Variants in ITPR3 observed in about 807,000 individuals in gnomAD.
ITPR3 encodes the protein inositol 1,4,5-trisphosphate receptor type 3, also known as inositol 1,4,5-trisphosphate-gated calcium channel ITPR3.
Under a neutral mutation model 293.2 loss-of-function variants are expected in ITPR3, and 173 were observed. That is an observed-to-expected ratio of 0.59 (90% confidence interval 0.52 to 0.67). ITPR3 has a LOEUF of 0.67. Ranked by LOEUF, ITPR3 falls within the 30% of genes least tolerant of loss-of-function variation. The probability of loss-of-function intolerance (pLI) is 0.00; values close to 1 mark genes in which losing one functional copy is unlikely to be tolerated. For synonymous variants in ITPR3, 1,295 were observed against 1,444.4 expected, an observed-to-expected ratio of 0.90 and a Z score of 2.35; for missense variants, 2,796 against 3,592.1, an observed-to-expected ratio of 0.78 and a Z score of 5.66.
In ITPR3 at chr6:33,642,413, AAGAG is replaced by A. The variant is rs949046379; in HGVS notation, c.160+1868_160+1871del. Among the ~76,000 whole-genome samples the A allele has an allele frequency of 1.6e-3, 242 of 151,916 alleles. 1 individual carries two copies. The highest frequency in any genetic ancestry group is 5.7e-3 in the African/African-American group (235 of 41,440). ...TGGAAAGAACTTAGAGACAGAGAGA[AAGAG>A]AGAGAGAGGTGAGGGTCCCAAGGGT... On this transcript the variant is annotated intron_variant, in intron 2 of 57. Coordinates refer to ENST00000605930, the MANE Select transcript of ITPR3 (RefSeq NM_002224.4).
In ITPR3 at chr6:33,688,122, G is replaced by C. The variant is rs538453664; in HGVS notation, c.6330G>C (p.Glu2110Asp). Reference sequence around the variant, plus strand: ...CCTCAGCGCCAGCACAGGAGGAGGAGGAAGACCCCCTGGCCTACTATGAGA... The same window carrying C: ...CCTCAGCGCCAGCACAGGAGGAGGACGAAGACCCCCTGGCCTACTATGAGA... The part of the protein sequence containing the change: ...LKSSAPAQEE[E>D]EDPLAYYENH... Residue 2110 changes from glutamate to aspartate, a missense_variant, in exon 47 of 58, where the codon GAG becomes GAC. By Grantham distance (45) the Glu-to-Asp change is conservative (BLOSUM62 2). Around this residue, in one of 8 missense-constraint regions of ITPR3, gnomAD observed 568 missense variants for 796.1 expected, o/e 0.71. Transcript: ENST00000605930. The C allele has an allele frequency of 6.2e-7, 1 of 1,614,066 alleles. No individual in the cohort carries two copies. The highest frequency in any genetic ancestry group is 1.7e-5 in the Admixed American group (1 of 60,018).
At chr6:33,650,379 A>G (rs555163406) in intron 2 of ITPR3, among the ~76,000 whole-genome samples, 1 of 152,346 alleles carries the variant, frequency 6.6e-6, no homozygotes, top group South Asian at 2.1e-4. Context: ...TGAGAGAAAA[A>G]GTTGAATCTT....
rs780461992 is a variant in ITPR3 at position 33,684,137 on chromosome 6, C to G, written c.4906C>G (p.Gln1636Glu). ...LLFLEGSEAY[Q>E]RCESGGFLSK... Reference sequence around the variant, plus strand: ...CTTCCTGGAGGGCAGTGAGGCCTACCAGCGCTGCGAGAGTGGGGGCTTCCT... The same window carrying G: ...CTTCCTGGAGGGCAGTGAGGCCTACGAGCGCTGCGAGAGTGGGGGCTTCCT... The change falls in exon 36 of 58, where the codon CAG becomes GAG. Residue 1636 changes from glutamine (Q) to glutamate (E), a missense_variant. Around this residue, in one of 8 missense-constraint regions of ITPR3, gnomAD observed 704 missense variants for 797.5 expected, o/e 0.88. Coordinates refer to ENST00000605930, the MANE Select transcript of ITPR3 (RefSeq NM_002224.4). This position sits in a 1 kb window ranked among gnomAD's most constrained non-coding sequence, Gnocchi z 4.2. 7 of 1,611,122 alleles carry G rather than the reference C, an allele frequency of 4.3e-6. No homozygotes were observed. Among genetic ancestry groups the G allele is most frequent in the Non-Finnish European group, 5.9e-6 (7 of 1,179,850 alleles).
Position 33,665,043 on chromosome 6 carries a change from G to A in ITPR3, c.1249-10G>A. On this transcript the variant is annotated splice_polypyrimidine_tract_variant and intron_variant, in intron 12 of 57. Transcript: ENST00000605930. ...GTTCCCAGGTGCCCTGCTGACCCCTGTCTCTGCAGCTGGGCACCTGCCCCA... is the reference window on the plus strand; with the variant it reads ...GTTCCCAGGTGCCCTGCTGACCCCTATCTCTGCAGCTGGGCACCTGCCCCA... 1 of 1,613,714 alleles carries A rather than the reference G, an allele frequency of 6.2e-7. No homozygotes were observed. Among genetic ancestry groups the A allele is most frequent in the Non-Finnish European group, 8.5e-7 (1 of 1,180,010 alleles).
intron 2 of ITPR3, among the ~76,000 whole-genome samples, chr6:33,646,188 A>G (rs1443861394): frequency 6.6e-6 from 1 of 152,106 alleles, no homozygotes; most frequent in Admixed American, 6.6e-5. Flanking sequence ...AGACAAATAC[A>G]TGATCTAGGA....
At chr6:33,661,992 G>GAAAAAAAAAAAAAAAAAAAAAAA (rs55958712) in intron 7 of ITPR3, among the ~76,000 whole-genome samples, 1 of 47,192 alleles carries the variant, frequency 2.1e-5, no homozygotes, top group Non-Finnish European at 4.1e-5. Context: ...GACTGTCTCT[G>GAAAAAAAAAAAAAAAAAAAAAAA]AAAAAAAAAA....
chr6:33,663,591 C>T lies in ITPR3; in HGVS notation c.1005+41C>T, dbSNP rs533089545. On this transcript the variant is annotated intron_variant, in intron 10 of 57. Transcript: ENST00000605930. Reference sequence around the variant, plus strand: ...GGTCTCCAGTGAGACCATGGGCCTGCCCTGGGGGTAGGCGGGGGCAGGGGA... The same window carrying T: ...GGTCTCCAGTGAGACCATGGGCCTGTCCTGGGGGTAGGCGGGGGCAGGGGA... 426 of 1,601,750 alleles carry T rather than the reference C, an allele frequency of 2.7e-4. 5 individuals are homozygous for T. In the South Asian group the frequency reaches 4.5e-3, roughly 17 times the overall value.
intron 33 of ITPR3, among the ~76,000 whole-genome samples, chr6:33,681,220 G>A (rs4713656): frequency 0.71 from 107,647 of 152,150 alleles, 38,472 homozygotes; most frequent in East Asian, 0.94. Context: ...CCAGAATGAC[G>A]GTGGGAATGG....
chr6:33,637,900 C>T (rs139382195), intron 1 of ITPR3, among the ~76,000 whole-genome samples: 4,337 of 151,894 alleles, frequency 0.029, 80 homozygotes, highest in African/African-American at 0.032. Context: ...TAGCCTGCCT[C>T]GGCCTCCCAA....
intron 6 of ITPR3, 85 bp from the exon 7 acceptor site, chr6:33,659,380 TG>T: frequency 8.1e-7 from 1 of 1,233,014 alleles, no homozygotes; most frequent in Non-Finnish European, 1.2e-6. Flanking sequence ...TAATGGTGGC[TG>T]GGCTGCTTCT....
At position 33,665,994 on chromosome 6, in the gene ITPR3, A is replaced by G. The variant is rs754516468; in HGVS notation, c.1551+18A>G. On this transcript the variant is annotated intron_variant, in intron 14 of 57. Coordinates refer to ENST00000605930, the MANE Select transcript of ITPR3 (RefSeq NM_002224.4). ...TCAAACAGGTGCGTGTGCACCCATG[A>G]GGGGACGCAGAGGGGCCGGGTGCCC... 3.2e-6 allele frequency: 5 copies of G among 1,579,476 alleles called. No homozygotes were observed. The highest frequency in any genetic ancestry group is 8.6e-7 in the Non-Finnish European group (1 of 1,161,076).
At chr6:33,657,267 G>A (rs1270729101) in intron 3 of ITPR3, among the ~76,000 whole-genome samples, 2 of 152,198 alleles carry the variant, frequency 1.3e-5, no homozygotes, top group Non-Finnish European at 2.9e-5. Context: ...TGGTAAGGAG[G>A]CAGGGCACCT....
At chr6:33,676,407 C>T (rs547820861) in intron 25 of ITPR3, among the ~76,000 whole-genome samples, 5 of 152,214 alleles carry the variant, frequency 3.3e-5, no homozygotes, top group African/African-American at 7.2e-5. Context: ...GGCAGTCAGA[C>T]GCAGGCCTGG....
rs1335279324 is a variant in ITPR3 at position 33,687,952 on chromosome 6, CTGAAG to C, written c.6265-102_6265-98del. On this transcript the variant is annotated intron_variant, in intron 46 of 57. Transcript: ENST00000605930. This position sits in a 1 kb window ranked among gnomAD's most constrained non-coding sequence, Gnocchi z 5.3. Reference sequence around the variant, plus strand: ...TGCTCTGGCTTGGCGGGGACACTCGCTGAAGTGTAGTTCAGAGCTAGGCGAAGGCC... The same window carrying C: ...TGCTCTGGCTTGGCGGGGACACTCGCTGTAGTTCAGAGCTAGGCGAAGGCC... 1.1e-6 allele frequency: 1 copy of C among 883,610 alleles called. No homozygotes were observed. The highest frequency in any genetic ancestry group is 1.7e-5 in the African/African-American group (1 of 59,420). 54.7% of individuals were successfully genotyped at this position (883,610 alleles called of 1,614,324 possible). A position where few individuals can be genotyped will look rare whatever the true frequency, so the allele number is the denominator to read the frequency against.
rs764804496 is a variant in ITPR3 at position 33,670,443 on chromosome 6, C to T, written c.2308C>T (p.Pro770Ser). The change falls in exon 19 of 58, where the codon CCC becomes TCC. Residue 770 changes from proline to serine, a missense_variant. Around this residue, in one of 8 missense-constraint regions of ITPR3, gnomAD observed 955 missense variants for 1,180.8 expected, o/e 0.81. Coordinates refer to ENST00000605930, the MANE Select transcript of ITPR3 (RefSeq NM_002224.4). The surrounding 1 kb of genome is among the most constrained non-coding windows in gnomAD (Gnocchi z 6.7). ...CCTGTGCATGGCAGACGAGATGCTGCCCTTTGACCTGCGCGCCTCCTTCTG... is the reference window on the plus strand; with the variant it reads ...CCTGTGCATGGCAGACGAGATGCTGTCCTTTGACCTGCGCGCCTCCTTCTG... ...IFLCMADEMLPFDLRASFCHL... is the reference protein window; with the variant it reads ...IFLCMADEMLSFDLRASFCHL... 6.2e-7 allele frequency: 1 copy of T among 1,614,106 alleles called. No individual in the cohort carries two copies. Among genetic ancestry groups the T allele is most frequent in the Non-Finnish European group, 8.5e-7 (1 of 1,180,042 alleles).
rs774345255 is a variant in ITPR3, at chr6:33,667,187, G to A, written c.1610G>A (p.Arg537Gln). The A allele has an allele frequency of 1.7e-5, 27 of 1,614,036 alleles. No homozygotes were observed. Among genetic ancestry groups the A allele is most frequent in the East Asian group, 4.5e-5 (2 of 44,900 alleles). ...REKGGEGPLV[R>Q]LEELSDQKNA... ...AAGGGGGGTGAAGGTCCCCTGGTGC[G>A]GCTGGAGGAGCTGTCAGACCAGAAG... Residue 537 changes from arginine to glutamine, a missense_variant, in exon 15 of 58, where the codon CGG (arginine) becomes CAG (glutamine). Around this residue, in one of 8 missense-constraint regions of ITPR3, gnomAD observed 955 missense variants for 1,180.8 expected, o/e 0.81. Transcript: ENST00000605930. This position sits in a 1 kb window ranked among gnomAD's most constrained non-coding sequence, Gnocchi z 4.4.
Position 33,677,041 on chromosome 6 carries a change from G to A in ITPR3, c.3474G>A (p.Leu1158=). The change falls in exon 27 of 58, where the codon CTG becomes CTA. Residue 1158 remains leucine, a synonymous_variant. Transcript: ENST00000605930. ...GTCCCACGGACGAGGAGGGCTTTCTGCACCCACCAGGGGAGAAAAGCAGTG... is the reference window on the plus strand; with the variant it reads ...GTCCCACGGACGAGGAGGGCTTTCTACACCCACCAGGGGAGAAAAGCAGTG... ...KERPTDEEGF[L]HPPGEKSSEN... The A allele has an allele frequency of 6.2e-7, 1 of 1,614,194 alleles. No homozygotes were observed. Among genetic ancestry groups the A allele is most frequent in the South Asian group, 1.1e-5 (1 of 91,084 alleles).
rs745334126 is a variant in ITPR3 at position 33,685,815 on chromosome 6, C to T, written c.5655C>T (p.Asn1885=). The T allele has an allele frequency of 1.3e-6, 2 of 1,570,428 alleles. No homozygotes were observed. The highest frequency in any genetic ancestry group is 2.3e-5 in the East Asian group (1 of 44,336). Residue 1885 remains asparagine (N), a synonymous_variant, in exon 41 of 58, where the codon AAC becomes AAT. Transcript: ENST00000605930. ...TGCAGCTGCTGTGTGAGAACCACAA[C>T]CGGGACCTGCAGGTGAGTGCCTCGC... ...RFLQLLCENH[N]RDLQNFLRCQ... is the part of the protein sequence containing the mutation.
At position 33,667,137 on chromosome 6, in the gene ITPR3, C is replaced by T. The variant is rs1764629362; in HGVS notation, c.1560C>T (p.Gly520=). 1.2e-6 allele frequency: 2 copies of T among 1,613,862 alleles called. No individual in the cohort carries two copies. The highest frequency in any genetic ancestry group is 1.7e-6 in the Non-Finnish European group (2 of 1,179,838). Residue 520 remains glycine (G), a synonymous_variant, in exon 15 of 58, where the codon GGC becomes GGT. Transcript: ENST00000605930. The surrounding 1 kb of genome is among the most constrained non-coding windows in gnomAD (Gnocchi z 4.4). Reference sequence around the variant, plus strand: ...CCTCTGTATTCCCCCAGGTCTTTGGCATTCTGAAGGCCCCGTTCCGTGAGA... The same window carrying T: ...CCTCTGTATTCCCCCAGGTCTTTGGTATTCTGAAGGCCCCGTTCCGTGAGA... The part of the protein sequence containing the change: ...REQNILKQVF[G]ILKAPFREKG...
Sources: gnomAD v4.1 joint callset for allele counts (sites outside exome capture counted in the v4.1 genomes callset) on GRCh38, gnomAD v4.1.1 for gene constraint, gnomAD v4.1.1 regional missense constraint, Gnocchi (gnomAD v3.1) non-coding constraint, MANE v1.5 for transcripts, NCBI Gene and HGNC (gene_info 2026-07-23, HGNC 2026-07-21) for gene names.